SIPA1L2: variants seen among roughly 807,000 people sequenced by gnomAD.
SIPA1L2 encodes the protein signal-induced proliferation-associated 1-like protein 2.
Under a neutral mutation model 163.9 loss-of-function variants are expected in SIPA1L2, and 56 were observed. The observed-to-expected ratio is 0.34, with a 90% CI of 0.28 to 0.43. The LOEUF (loss-of-function observed/expected upper bound fraction) is 0.43. SIPA1L2 is among the 20% of genes least tolerant of loss of function. SIPA1L2 has a pLI of 1.00. For synonymous variants in SIPA1L2, 877 were observed against 865.7 expected (o/e 1.01, Z -0.23); for missense variants, 1,974 against 2,193.5 (o/e 0.90, Z 2.00).
chr1:232,591,724 G>A (rs1660971817), intron 1 of SIPA1L2, among the ~76,000 whole-genome samples: 1 of 152,228 alleles, frequency 6.6e-6, no homozygotes, highest in East Asian at 1.9e-4. Context: ...GGTACCTTAT[G>A]ACAAGGAGAG....
intron 8 of SIPA1L2, among the ~76,000 whole-genome samples, chr1:232,469,353 T>C (rs1042278535): frequency 6.6e-6 from 1 of 152,226 alleles, no homozygotes; most frequent in Non-Finnish European, 1.5e-5. Context: ...TTGGAATATT[T>C]AGAGGAGTAT....
chr1:232,552,806 A>G (rs1476389731), intron 2 of SIPA1L2, among the ~76,000 whole-genome samples: 1 of 152,260 alleles, frequency 6.6e-6, no homozygotes, highest in Non-Finnish European at 1.5e-5. Flanking sequence ...GGCCACTACA[A>G]TTGAAACAGA....
intron 19 of SIPA1L2, among the ~76,000 whole-genome samples, chr1:232,412,483 T>C (rs569186210): frequency 6.6e-6 from 1 of 152,326 alleles, no homozygotes; most frequent in Admixed American, 6.5e-5. Context: ...TTCTTTATAA[T>C]GTTTACTCTA....
At chr1:232,623,972 A>T (rs1040570905) in intron 1 of SIPA1L2, among the ~76,000 whole-genome samples, 2 of 152,142 alleles carry the variant, frequency 1.3e-5, no homozygotes, top group Non-Finnish European at 2.9e-5. Context: ...TGAGATGCAG[A>T]GAAAATACTT....
At chr1:232,438,036 T>C (rs927778179) in intron 15 of SIPA1L2, among the ~76,000 whole-genome samples, 5 of 152,096 alleles carry the variant, frequency 3.3e-5, no homozygotes, top group South Asian at 4.1e-4. Context: ...CCTGGTGGCA[T>C]GAACCAATCA....
chr1:232,560,880 A>G (rs1028118757), intron 2 of SIPA1L2, among the ~76,000 whole-genome samples: 1 of 152,190 alleles, frequency 6.6e-6, no homozygotes, highest in African/African-American at 2.4e-5. Context: ...AAGAGTCTAG[A>G]TTTTCATGAA....
chr1:232,460,970 G>C lies in SIPA1L2; in HGVS notation c.3012C>G (p.His1004Gln). 3 of 1,614,260 alleles carry C rather than the reference G, an allele frequency of 1.9e-6. No homozygotes were observed. The highest frequency in any genetic ancestry group is 2.5e-6 in the Non-Finnish European group (3 of 1,180,052). The change falls in exon 10 of 23, where the codon CAC becomes CAG. Residue 1004 changes from histidine (H) to glutamine (Q), a missense_variant. By Grantham distance (24) the His-to-Gln change is conservative. Transcript: ENST00000674635. ...ICKVAVATLTHEQMIDLLRTS... is the reference protein window; with the variant it reads ...ICKVAVATLTQEQMIDLLRTS... ...TACGGAGCAGGTCGATCATCTGCTC[G>C]TGGGTCAGAGTGGCCACGGCTACTT...
chr1:232,415,484 G>A lies in SIPA1L2; in HGVS notation c.4762+10C>T. 1 of 1,601,296 alleles carries A rather than the reference G, an allele frequency of 6.2e-7. No individual in the cohort carries two copies. The highest frequency in any genetic ancestry group is 8.5e-7 in the Non-Finnish European group (1 of 1,174,296). ...GTAAGGGGTGAGGCCAGAGGCTGGT[G>A]AGTCTTTACCTTCAAATGCCCGTGC... On this transcript the variant is annotated intron_variant, in intron 19 of 22. Coordinates refer to ENST00000674635, the MANE Select transcript of SIPA1L2 (RefSeq NM_020808.5).
chr1:232,499,758 T>C (rs575882618), intron 3 of SIPA1L2, among the ~76,000 whole-genome samples: 3 of 152,342 alleles, frequency 2.0e-5, no homozygotes, highest in East Asian at 1.9e-4. Context: ...AGAATTTTCA[T>C]AGCTAGAGAG....
intron 5 of SIPA1L2, among the ~76,000 whole-genome samples, chr1:232,488,298 C>T (rs1032301126): frequency 2.0e-5 from 3 of 152,152 alleles, no homozygotes; most frequent in Admixed American, 6.5e-5. Flanking sequence ...TTAACAAACC[C>T]TTAGACCAAT....
At chr1:232,446,726 T>C (rs1663238997) in intron 10 of SIPA1L2, among the ~76,000 whole-genome samples, 1 of 152,252 alleles carries the variant, frequency 6.6e-6, no homozygotes, top group Non-Finnish European at 1.5e-5. Context: ...ACAAACTTTG[T>C]ATGAGATTTA....
intron 5 of SIPA1L2, among the ~76,000 whole-genome samples, chr1:232,484,814 G>A (rs1665564401): frequency 6.6e-6 from 1 of 152,158 alleles, no homozygotes; most frequent in African/African-American, 2.4e-5. Context: ...CTTACTACCA[G>A]CAATCTGAGC....
chr1:232,628,120 G>T (rs1393382527), intron 1 of SIPA1L2, among the ~76,000 whole-genome samples: 1 of 152,210 alleles, frequency 6.6e-6, no homozygotes, highest in Non-Finnish European at 1.5e-5. Flanking sequence ...TAGAATAAAA[G>T]TGCTTAAAAA....
intron 8 of SIPA1L2, among the ~76,000 whole-genome samples, chr1:232,469,849 AAC>A (rs563550434): frequency 8.6e-5 from 13 of 150,386 alleles, no homozygotes; most frequent in East Asian, 4.0e-4. Context: ...TTTTTAATTA[AAC>A]AGAGTTGTTT....
chr1:232,506,379 G>A (rs1045703928), intron 3 of SIPA1L2, among the ~76,000 whole-genome samples: 6 of 152,136 alleles, frequency 3.9e-5, no homozygotes, highest in African/African-American at 1.4e-4. Flanking sequence ...GTAGTTCAAG[G>A]ATTTGCCCCA....
intron 7 of SIPA1L2, among the ~76,000 whole-genome samples, chr1:232,475,424 T>A (rs12746299): frequency 0.24 from 36,649 of 152,144 alleles, 4,610 homozygotes; most frequent in Admixed American, 0.34. Context: ...TATCCCCTCA[T>A]ATAAACTATA....
At chr1:232,430,999 G>A (rs1017587752) in intron 16 of SIPA1L2, among the ~76,000 whole-genome samples, 1 of 152,172 alleles carries the variant, frequency 6.6e-6, no homozygotes, top group Non-Finnish European at 1.5e-5. Flanking sequence ...CTGAGCATTA[G>A]TGCCATCAAA....
intron 10 of SIPA1L2, among the ~76,000 whole-genome samples, chr1:232,455,827 T>C (rs574637486): frequency 4.1e-4 from 63 of 151,846 alleles, no homozygotes; most frequent in Non-Finnish European, 7.6e-4. Flanking sequence ...GAGGCCATTA[T>C]CCTAAGCAAA....
chr1:232,553,358 T>C (rs12028293), intron 2 of SIPA1L2, among the ~76,000 whole-genome samples: 35,780 of 151,948 alleles, frequency 0.24, 4,382 homozygotes, highest in East Asian at 0.36. Flanking sequence ...AGCCTGGGGT[T>C]TGGGGTTTAT....
Sources: gnomAD v4.1 joint callset for allele counts (sites outside exome capture counted in the v4.1 genomes callset) on GRCh38, gnomAD v4.1.1 for gene constraint, MANE v1.5 for transcripts, NCBI Gene and HGNC (gene_info 2026-07-23, HGNC 2026-07-21) for gene names.